Variants in RIT2 observed in about 807,000 individuals in gnomAD.
The protein encoded by RIT2 is Ras like without CAAX 2.
In RIT2, 24 loss-of-function variants were observed where a neutral mutation model predicts 23.7. That is an observed-to-expected ratio of 1.01 (90% confidence interval 0.73 to 1.43). The LOEUF is 1.43. RIT2 is among the 40% of genes most tolerant of loss of function. The probability of loss-of-function intolerance (pLI) is 0.00; values close to 1 mark genes in which losing one functional copy is unlikely to be tolerated. For missense variants in RIT2, 236 were observed against 266.9 expected (o/e 0.88, Z 0.81); for synonymous variants, 107 against 91.1 (o/e 1.17, Z -0.99).
At chr18:43,083,875 T>C (rs1394021489) in intron 1 of RIT2, among the ~76,000 whole-genome samples, 1 of 152,064 alleles carries the variant, frequency 6.6e-6, no homozygotes, top group Non-Finnish European at 1.5e-5. Flanking sequence ...CAAGCCAAAA[T>C]TGACAAATGA....
At chr18:42,747,208 C>T (rs2143876572) in intron 4 of RIT2, among the ~76,000 whole-genome samples, 1 of 152,098 alleles carries the variant, frequency 6.6e-6, no homozygotes, top group South Asian at 2.1e-4. Flanking sequence ...TTACAGGATA[C>T]AAAGTTTATA....
At chr18:42,776,511 A>G (rs921080732) in intron 4 of RIT2, among the ~76,000 whole-genome samples, 3 of 152,174 alleles carry the variant, frequency 2.0e-5, no homozygotes, top group Non-Finnish European at 2.9e-5. Context: ...AAAAAATGTC[A>G]ATTTTACATG....
chr18:42,856,237 G>A (rs1384559174), intron 4 of RIT2, among the ~76,000 whole-genome samples: 2 of 152,154 alleles, frequency 1.3e-5, no homozygotes, highest in Non-Finnish European at 2.9e-5. Context: ...TTGACTGTAG[G>A]TCATTAGACC....
rs369955944 is a variant in RIT2, at chr18:42,771,233, T to C, written c.427-27513A>G. Among the ~76,000 whole-genome samples the C allele has an allele frequency of 1.0e-3, 158 of 152,278 alleles. 3 individuals are homozygous for C. The South Asian group carries it at 0.031, about 30-fold the overall frequency. On this transcript the variant is annotated intron_variant, in intron 4 of 4. Transcript: ENST00000326695. Reference sequence around the variant, plus strand: ...TCTCATCAGTCTAAACAATCAATAATTATATTATCAAGACAGGTATGAAAC... The same window carrying C: ...TCTCATCAGTCTAAACAATCAATAACTATATTATCAAGACAGGTATGAAAC...
chr18:42,856,855 AG>A (rs1236317863), intron 4 of RIT2, among the ~76,000 whole-genome samples: 1 of 82,862 alleles, frequency 1.2e-5, no homozygotes, highest in Non-Finnish European at 2.1e-5. Context: ...TTTGAGACGG[AG>A]TTTTGCTCTG....
chr18:42,990,921 T>TTTG (rs1555650903), intron 2 of RIT2, among the ~76,000 whole-genome samples: 1 of 150,644 alleles, frequency 6.6e-6, no homozygotes, highest in Non-Finnish European at 1.5e-5. Context: ...TGTTTTTTTT[T>TTTG]TTTTTTTTTT....
At chr18:42,957,508 G>A (rs139699522) in intron 3 of RIT2, among the ~76,000 whole-genome samples, 88 of 152,236 alleles carry the variant, frequency 5.8e-4, no homozygotes, top group Non-Finnish European at 8.8e-4. Flanking sequence ...TACAATTCAC[G>A]TAAATTAAAT....
intron 1 of RIT2, among the ~76,000 whole-genome samples, chr18:43,097,451 T>C (rs539459931): frequency 4.1e-4 from 62 of 151,796 alleles, no homozygotes; most frequent in Non-Finnish European, 4.0e-4. Flanking sequence ...TAAATTACTG[T>C]GGGTTTGGAT....
At chr18:43,056,738 T>C (rs1343739951) in intron 1 of RIT2, among the ~76,000 whole-genome samples, 1 of 152,128 alleles carries the variant, frequency 6.6e-6, no homozygotes, top group African/African-American at 2.4e-5. Context: ...GGCACTGTAC[T>C]CCTTTGAGTT....
intron 2 of RIT2, among the ~76,000 whole-genome samples, chr18:43,028,546 A>T (rs1248777236): frequency 6.6e-6 from 1 of 152,086 alleles, no homozygotes; most frequent in Non-Finnish European, 1.5e-5. Flanking sequence ...CTATTGTACC[A>T]CATTCAAACA....
intron 2 of RIT2, among the ~76,000 whole-genome samples, chr18:43,021,593 G>C (rs140323919): frequency 6.6e-6 from 1 of 152,058 alleles, no homozygotes; most frequent in Non-Finnish European, 1.5e-5. Context: ...CCTGGGTACT[G>C]TTCCTGGAAT....
chr18:42,945,972 GT>G (rs1300686229), intron 3 of RIT2, among the ~76,000 whole-genome samples: 1 of 152,092 alleles, frequency 6.6e-6, no homozygotes, highest in Non-Finnish European at 1.5e-5. Flanking sequence ...ATTGGCTAAT[GT>G]TTTTTGTTGT....
intron 4 of RIT2, among the ~76,000 whole-genome samples, chr18:42,822,469 A>G (rs1906179595): frequency 6.6e-6 from 1 of 152,062 alleles, no homozygotes; most frequent in African/African-American, 2.4e-5. Flanking sequence ...GTCTCTTTAG[A>G]TTTTATACTC....
At chr18:42,789,584 A>C (rs1913996396) in intron 4 of RIT2, among the ~76,000 whole-genome samples, 1 of 151,922 alleles carries the variant, frequency 6.6e-6, no homozygotes, top group East Asian at 1.9e-4. Context: ...TTTTTTAGAG[A>C]TACTGTAAAT....
At chr18:42,850,631 TGAA>T (rs1473017060) in intron 4 of RIT2, among the ~76,000 whole-genome samples, 1 of 152,190 alleles carries the variant, frequency 6.6e-6, no homozygotes, top group East Asian at 1.9e-4. Flanking sequence ...TAGAAAATGT[TGAA>T]GATATGTAAA....
chr18:42,757,955 A>G (rs1913202887), intron 4 of RIT2, among the ~76,000 whole-genome samples: 1 of 151,876 alleles, frequency 6.6e-6, no homozygotes. Flanking sequence ...AAGAGAGGTT[A>G]CTGATTCTTG....
intron 1 of RIT2, among the ~76,000 whole-genome samples, chr18:43,059,358 A>G (rs1912586940): frequency 6.6e-6 from 1 of 152,182 alleles, no homozygotes; most frequent in South Asian, 2.1e-4. Flanking sequence ...AGCAGACTTC[A>G]TTCAAAACCA....
chr18:42,833,884 A>G (rs1309283571), intron 4 of RIT2, among the ~76,000 whole-genome samples: 1 of 152,102 alleles, frequency 6.6e-6, no homozygotes, highest in African/African-American at 2.4e-5. Context: ...CTCAGGGTAC[A>G]CTCTTCCTGT....
chr18:42,849,463 G>T (rs1201158597), intron 4 of RIT2, among the ~76,000 whole-genome samples: 1 of 151,916 alleles, frequency 6.6e-6, no homozygotes, highest in Non-Finnish European at 1.5e-5. Flanking sequence ...TTTTCTCGTG[G>T]GTAAAAGTCA....
Sources: allele counts gnomAD v4.1 joint callset (sites outside exome capture counted in the v4.1 genomes callset), GRCh38; gene constraint gnomAD v4.1.1; transcripts MANE v1.5; gene names NCBI Gene and HGNC (gene_info 2026-07-23, HGNC 2026-07-21).